Variants in PFKP observed in about 807,000 individuals in gnomAD.
The protein encoded by PFKP is phosphofructokinase, platelet.
PFKP carries 101 observed loss-of-function variants against 94.3 expected under a neutral mutation model. The observed-to-expected ratio is 1.07, with a 90% CI of 0.91 to 1.26. The LOEUF is 1.26. PFKP is among the 50% of genes most tolerant of loss of function. PFKP has a pLI of 0.00. For missense variants in PFKP, 1,145 were observed against 1,103.3 expected (o/e 1.04, Z -0.53); for synonymous variants, 573 against 432.6 (o/e 1.32, Z -4.03).
At chr10:3,085,433 C>A (rs183448482) in intron 2 of PFKP, among the ~76,000 whole-genome samples, 1 of 698 alleles carries the variant, frequency 1.4e-3, no homozygotes, top group Non-Finnish European at 2.7e-3. Flanking sequence ...AGTCCCCCAA[C>A]CCCTCCCCAG....
intron 3 of PFKP, among the ~76,000 whole-genome samples, chr10:3,099,598 G>A (rs764502139): frequency 6.6e-6 from 1 of 152,168 alleles, no homozygotes; most frequent in African/African-American, 2.4e-5. Flanking sequence ...GACGCTCATG[G>A]GGCCCACACC....
At chr10:3,111,777 C>T (rs1001560050) in intron 10 of PFKP, among the ~76,000 whole-genome samples, 1 of 152,104 alleles carries the variant, frequency 6.6e-6, no homozygotes, top group Non-Finnish European at 1.5e-5. Context: ...TGCTCCCCCG[C>T]CCGCTGTGAC....
intron 16 of PFKP, among the ~76,000 whole-genome samples, chr10:3,127,556 G>C (rs932240364): frequency 6.6e-6 from 1 of 152,212 alleles, no homozygotes; most frequent in African/African-American, 2.4e-5. Context: ...TAAGACAAAG[G>C]AGAAGTCTTA....
rs142048993 is a variant in PFKP, at chr10:3,070,898, AATT to A, written c.112+3216_112+3218del. 2.8e-3 allele frequency among the ~76,000 whole-genome samples: 393 copies of A among 140,250 alleles called. 2 individuals are homozygous for A. Among genetic ancestry groups the A allele is most frequent in the African/African-American group, 8.9e-3 (359 of 40,232 alleles). 92.0% of individuals were successfully genotyped at this position (140,250 alleles called of 152,430 possible). ...CAGGAATGCACCATCATGACCAGCT[AATT>A]ATTATTATTATTATTATTATTATTT... On this transcript the variant is annotated intron_variant, in intron 1 of 21. Transcript: ENST00000381125.
intron 16 of PFKP, chr10:3,129,482 TCA>T (rs1838312340): frequency 3.7e-6 from 1 of 267,028 alleles, no homozygotes; most frequent in African/African-American, 2.2e-5. Flanking sequence ...GCAGGGACAG[TCA>T]CAGAGCAGCG....
chr10:3,073,201 T>A (rs1019547024), intron 1 of PFKP, among the ~76,000 whole-genome samples: 17 of 151,872 alleles, frequency 1.1e-4, no homozygotes, highest in African/African-American at 3.9e-4. Context: ...AGCAGGGTGC[T>A]GAGTGCTGAG....
rs139862258 is a variant in PFKP at position 3,076,230 on chromosome 10, A to C, written c.113-6158A>C. 8.2e-3 allele frequency among the ~76,000 whole-genome samples: 1,246 copies of C among 152,152 alleles called. 5 individuals are homozygous for C. The highest frequency in any genetic ancestry group is 0.037 in the Middle Eastern group (11 of 294). ...ACGTGGCCAGCGGCTCCTCTGAGGG[A>C]CAGTGTGGTCACGCAATGGGTGGCG... On this transcript the variant is annotated intron_variant, in intron 1 of 21. Coordinates refer to ENST00000381125, the MANE Select transcript of PFKP (RefSeq NM_002627.5).
At chr10:3,093,807 C>G (rs1180139499) in intron 2 of PFKP, among the ~76,000 whole-genome samples, 1 of 152,030 alleles carries the variant, frequency 6.6e-6, no homozygotes. Flanking sequence ...CCACACCCGG[C>G]TAATTTTTTG....
intron 2 of PFKP, among the ~76,000 whole-genome samples, chr10:3,094,837 G>A (rs184163645): frequency 6.6e-6 from 1 of 152,136 alleles, no homozygotes; most frequent in Admixed American, 6.6e-5. Flanking sequence ...TAGGTTCTGT[G>A]GGGGAGGGAA....
intron 2 of PFKP, among the ~76,000 whole-genome samples, chr10:3,092,490 G>A (rs56392913): frequency 2.2e-3 from 341 of 152,066 alleles, no homozygotes; most frequent in Middle Eastern, 0.01. Flanking sequence ...TAGCAACAGC[G>A]TATTATATTA....
At chr10:3,090,618 C>A (rs993324328) in intron 2 of PFKP, among the ~76,000 whole-genome samples, 1 of 151,624 alleles carries the variant, frequency 6.6e-6, no homozygotes, top group Non-Finnish European at 1.5e-5. Flanking sequence ...AGTGTCAGGG[C>A]GATGGCATCT....
chr10:3,125,040 G>C, intron 16 of PFKP: 5 of 1,154,762 alleles, frequency 4.3e-6, no homozygotes, highest in Non-Finnish European at 5.5e-6. Context: ...CACAGGCCCT[G>C]GGGCTGGCAG....
intron 10 of PFKP, among the ~76,000 whole-genome samples, chr10:3,111,787 C>T (rs994619282): frequency 3.9e-5 from 6 of 152,128 alleles, no homozygotes; most frequent in Non-Finnish European, 8.8e-5. Context: ...CCCGCTGTGA[C>T]CTCGCTCCCA....
rs769298279 is a variant in PFKP at position 3,082,372 on chromosome 10, C to G, written c.113-16C>G. On this transcript the variant is annotated splice_polypyrimidine_tract_variant and intron_variant, in intron 1 of 21. Coordinates refer to ENST00000381125, the MANE Select transcript of PFKP (RefSeq NM_002627.5). ...CCCGGGCTCTTCAGTGACTCTTGCT[C>G]CTGTTTCCACTGCAGGTATGAACGC... The G allele has an allele frequency of 6.3e-7, 1 of 1,599,638 alleles. No individual in the cohort carries two copies. The highest frequency in any genetic ancestry group is 1.1e-5 in the South Asian group (1 of 89,802).
chr10:3,072,723 C>G (rs906535632), intron 1 of PFKP, among the ~76,000 whole-genome samples: 3 of 151,954 alleles, frequency 2.0e-5, no homozygotes, highest in African/African-American at 7.3e-5. Context: ...ATACAGGACT[C>G]CAACCTTTTA....
intron 1 of PFKP, among the ~76,000 whole-genome samples, chr10:3,079,684 A>AGGGGGGGGGGGGGGGGGG: frequency 1.1e-5 from 1 of 93,058 alleles, no homozygotes; most frequent in East Asian, 3.4e-4. Context: ...GAAGAGGAGC[A>AGGGGGGGGGGGGGGGGGG]GGGGTGAGGG....
Position 3,067,657 on chromosome 10 carries a change from C to G in PFKP, c.62C>G (p.Ser21Cys), listed in dbSNP as rs574712958. 357 of 1,534,718 alleles carry G rather than the reference C, an allele frequency of 2.3e-4. 2 individuals carry two copies. The South Asian group carries it at 3.6e-3, about 16-fold the overall frequency. ...GSLRKFLEHL[S>C]GAGKAIGVLT... ...TTGCGGAAGTTCCTGGAGCACCTCT[C>G]CGGGGCCGGCAAGGCCATCGGCGTG... The change falls in exon 1 of 22, where the codon TCC becomes TGC. Residue 21 changes from serine (S) to cysteine (C), a missense_variant. Ser to Cys is a moderately radical substitution (Grantham distance 112). Transcript: ENST00000381125.
intron 2 of PFKP, among the ~76,000 whole-genome samples, chr10:3,084,005 A>G (rs1473147695): frequency 2.6e-5 from 4 of 151,892 alleles, no homozygotes; most frequent in Non-Finnish European, 4.4e-5. Flanking sequence ...TTTATGATGG[A>G]CCCTGTATTC....
chr10:3,070,888 A>G (rs1832129551), intron 1 of PFKP, among the ~76,000 whole-genome samples: 1 of 148,424 alleles, frequency 6.7e-6, no homozygotes, highest in Non-Finnish European at 1.5e-5. Context: ...ATGCACCATC[A>G]TGACCAGCTA....
Sources: allele counts gnomAD v4.1 joint callset (sites outside exome capture counted in the v4.1 genomes callset), GRCh38; gene constraint gnomAD v4.1.1; transcripts MANE v1.5; gene names NCBI Gene and HGNC (gene_info 2026-07-23, HGNC 2026-07-21).